The following EIF5B variants were observed in gnomAD, a reference collection of about 807,000 sequenced individuals.
EIF5B encodes eIF-5B.
In EIF5B, 47 loss-of-function variants were observed where a neutral mutation model predicts 147.5. The observed-to-expected ratio is 0.32, with a 90% CI of 0.25 to 0.41. The LOEUF is 0.41. Among genes scored for constraint, EIF5B ranks in the 10% least tolerant of loss-of-function variants. EIF5B has a pLI of 1.00. For missense variants in EIF5B, 1,064 were observed against 1,413.2 expected, an observed-to-expected ratio of 0.75 and a Z score of 3.96; for synonymous variants, 455 against 456.2, an observed-to-expected ratio of 1.00 and a Z score of 0.03.
chr2:99,382,876 CCTT>C lies in EIF5B; in HGVS notation c.2229_2231del (p.Leu744del). 1 of 1,611,280 alleles carries C rather than the reference CCTT, an allele frequency of 6.2e-7. No individual in the cohort carries two copies. Among genetic ancestry groups the C allele is most frequent in the Non-Finnish European group, 8.5e-7 (1 of 1,179,052 alleles). On this transcript the variant is annotated inframe_deletion, in exon 14 of 24. Transcript: ENST00000289371. ...AGCCCCAGACAATTGAGTCTATCAA[CCTT>C]CTCAAATCTAAAAAATGTCCCTTCA...
chr2:99,386,161 G>C (rs936750079), intron 14 of EIF5B, among the ~76,000 whole-genome samples: 9 of 152,046 alleles, frequency 5.9e-5, no homozygotes, highest in Admixed American at 1.3e-4. Flanking sequence ...GCGAATACTC[G>C]CCCTACCTCC....
intron 5 of EIF5B, 72 bp downstream of exon 5, chr2:99,363,934 A>C (rs1674273336): frequency 3.4e-6 from 5 of 1,460,132 alleles, no homozygotes; most frequent in Non-Finnish European, 4.6e-6. Flanking sequence ...AAATATCTTT[A>C]CTCTTCTAAT....
chr2:99,357,897 T>C (rs767556253), intron 1 of EIF5B, among the ~76,000 whole-genome samples: 1 of 152,180 alleles, frequency 6.6e-6, no homozygotes, highest in Admixed American at 6.5e-5. Flanking sequence ...CACTTAAGTG[T>C]TGTTGATTCT....
intron 1 of EIF5B, among the ~76,000 whole-genome samples, chr2:99,341,170 A>C (rs1166395645): frequency 6.6e-6 from 1 of 152,214 alleles, no homozygotes; most frequent in Non-Finnish European, 1.5e-5. Flanking sequence ...AAAGGCTAGG[A>C]TTCAATATCC....
chr2:99,364,599 A>G (rs755220817), intron 6 of EIF5B, among the ~76,000 whole-genome samples, 178 bp downstream of exon 6: 1 of 152,252 alleles, frequency 6.6e-6, no homozygotes, highest in Non-Finnish European at 1.5e-5. Flanking sequence ...GGAAGATGAC[A>G]TCTACATGAG....
chr2:99,355,107 A>G (rs1674068069), intron 1 of EIF5B, among the ~76,000 whole-genome samples: 1 of 151,926 alleles, frequency 6.6e-6, no homozygotes, highest in Non-Finnish European at 1.5e-5. Flanking sequence ...CTGGGCCTAA[A>G]TGGTTATACT....
At chr2:99,367,905 G>C (rs558259290) in intron 6 of EIF5B, among the ~76,000 whole-genome samples, 1 of 152,248 alleles carries the variant, frequency 6.6e-6, no homozygotes, top group Non-Finnish European at 1.5e-5. Context: ...TGTTCACACA[G>C]AAACCTGTCT....
intron 1 of EIF5B, among the ~76,000 whole-genome samples, chr2:99,360,020 C>T (rs1202485139): frequency 6.6e-6 from 1 of 152,158 alleles, no homozygotes; most frequent in Non-Finnish European, 1.5e-5. Flanking sequence ...TTTTCATTAT[C>T]TGTTCCTTAT....
intron 17 of EIF5B, among the ~76,000 whole-genome samples, chr2:99,391,640 T>G (rs1674932112): frequency 6.6e-6 from 1 of 152,162 alleles, no homozygotes; most frequent in Non-Finnish European, 1.5e-5. Context: ...TTTGCTTTGT[T>G]TTTGTGTCTA....
rs754468838 is a variant in EIF5B, at chr2:99,371,714, T to C, written c.1536T>C (p.Asp512=). Residue 512 remains aspartate, a synonymous_variant, in exon 9 of 24, where the codon GAT becomes GAC. Transcript: ENST00000289371. ...GLDDWEAMAS[D]EETEKVEGNK... ...ATGATTGGGAAGCTATGGCCAGTGA[T>C]GAGGAGACAGAAAAAGGTGAATACC... 4.3e-6 allele frequency: 7 copies of C among 1,612,990 alleles called. No individual in the cohort carries two copies. The highest frequency in any genetic ancestry group is 5.9e-6 in the Non-Finnish European group (7 of 1,179,418).
chr2:99,383,370 C>G (rs1674731858), intron 14 of EIF5B, among the ~76,000 whole-genome samples: 1 of 152,112 alleles, frequency 6.6e-6, no homozygotes, highest in Admixed American at 6.6e-5. Flanking sequence ...CAGCTGTTCC[C>G]TTGTCTCTTT....
rs1458696309 is a variant in EIF5B at position 99,385,068 on chromosome 2, CAG to C, written c.2271+2150_2271+2151del. Among the ~76,000 whole-genome samples, 6 of 151,532 alleles carry C rather than the reference CAG, an allele frequency of 4.0e-5. No homozygotes were observed. The South Asian group carries it at 1.0e-3, about 26-fold the overall frequency. On this transcript the variant is annotated intron_variant, in intron 14 of 23. Transcript: ENST00000289371. ...GATAAATTTCTTTTTTTTTTTGAGA[CAG>C]AGTTTCGCTCTTGTTGCCCAGGCTG...
intron 13 of EIF5B, 140 bp from the exon 14 acceptor site, chr2:99,382,640 C>A: frequency 1.3e-6 from 1 of 796,796 alleles, no homozygotes; most frequent in Non-Finnish European, 1.8e-6. Flanking sequence ...GAGCCTTTGG[C>A]AAGTTAAGGG....
At chr2:99,363,584 CG>C (rs1559249240) in intron 4 of EIF5B, 60 bp from the exon 5 acceptor site, 1 of 1,502,288 alleles carries the variant, frequency 6.7e-7, no homozygotes, top group Non-Finnish European at 8.9e-7. Context: ...GGGTTTTGCT[CG>C]TCATCACCAC....
chr2:99,396,238 G>C (rs1675043445), intron 21 of EIF5B, among the ~76,000 whole-genome samples: 1 of 152,222 alleles, frequency 6.6e-6, no homozygotes, highest in Non-Finnish European at 1.5e-5. Context: ...AACTTTTAAA[G>C]CATTTTAAGC....
chr2:99,354,322 A>T (rs900136449), intron 1 of EIF5B, among the ~76,000 whole-genome samples: 2 of 152,112 alleles, frequency 1.3e-5, no homozygotes, highest in South Asian at 4.2e-4. Flanking sequence ...TTTATTTGCC[A>T]TGTGTATATC....
chr2:99,372,414 C>G (rs1202336434), intron 9 of EIF5B, among the ~76,000 whole-genome samples: 1 of 152,230 alleles, frequency 6.6e-6, no homozygotes, highest in Non-Finnish European at 1.5e-5. Flanking sequence ...TCTCGGCTCA[C>G]AACAACCTCC....
At position 99,368,602 on chromosome 2, in the gene EIF5B, A is replaced by G. The variant is rs574151776; in HGVS notation, c.1387+11A>G. On this transcript the variant is annotated intron_variant, in intron 7 of 23. Transcript: ENST00000289371. ...TAGAAAGTAAAGAAGGTTTGTATAC[A>G]AAATAGCCTCTAATTTAGGAAATAT... 2.4e-5 allele frequency: 37 copies of G among 1,573,538 alleles called. No individual in the cohort carries two copies. In the South Asian group the frequency reaches 3.7e-4, roughly 16 times the overall value.
chr2:99,375,407 A>T (rs1674541133), intron 9 of EIF5B, among the ~76,000 whole-genome samples: 1 of 152,202 alleles, frequency 6.6e-6, no homozygotes, highest in Admixed American at 6.5e-5. Context: ...ATCTGCCAAT[A>T]ATGGGGAGAT....
Sources: gnomAD v4.1 joint callset for allele counts (sites outside exome capture counted in the v4.1 genomes callset) on GRCh38, gnomAD v4.1.1 for gene constraint, MANE v1.5 for transcripts, NCBI Gene and HGNC (gene_info 2026-07-23, HGNC 2026-07-21) for gene names.